SLC15A5: variants seen among roughly 807,000 people sequenced by gnomAD.
SLC15A5 encodes the protein solute carrier family 15 member 5.
Under a neutral mutation model 56.1 loss-of-function variants are expected in SLC15A5, and 58 were observed. That is an observed-to-expected ratio of 1.03 (90% CI 0.84 to 1.29). SLC15A5 has a LOEUF of 1.29. SLC15A5 is among the 50% of genes most tolerant of loss of function. The probability of loss-of-function intolerance (pLI) is 0.00; values close to 1 mark genes in which losing one functional copy is unlikely to be tolerated. For synonymous variants in SLC15A5, 264 were observed against 250.5 expected (o/e 1.05, Z -0.51); for missense variants, 681 against 672.1 (o/e 1.01, Z -0.15).
At chr12:16,230,757 C>CAAAA (rs59876940) in intron 5 of SLC15A5, among the ~76,000 whole-genome samples, 2 of 129,578 alleles carry the variant, frequency 1.5e-5, no homozygotes, top group South Asian at 2.5e-4. Context: ...ACTAAAAATA[C>CAAAA]AAAAAAAAAA....
chr12:16,205,600 C>T lies in SLC15A5; in HGVS notation c.1484-11147G>A, dbSNP rs1255188013. On this transcript the variant is annotated intron_variant, in intron 7 of 8. Transcript: ENST00000344941. ...AGGTGCATATATATATACATATACA[C>T]ACACACACACATATATATACACATA... is the stretch of plus-strand genomic sequence containing the variant. 5.9e-4 allele frequency among the ~76,000 whole-genome samples: 53 copies of T among 90,322 alleles called. 2 individuals carry two copies. The highest frequency in any genetic ancestry group is 1.1e-3 in the South Asian group (2 of 1,858). 59.3% of individuals were successfully genotyped at this position (90,322 alleles called of 152,430 possible). A position where few individuals can be genotyped will look rare whatever the true frequency, so the allele number is the denominator to read the frequency against.
At chr12:16,191,888 G>A (rs1191452467) in intron 8 of SLC15A5, among the ~76,000 whole-genome samples, 2 of 152,030 alleles carry the variant, frequency 1.3e-5, no homozygotes, top group African/African-American at 2.4e-5. Context: ...CTTTTCCTGT[G>A]GGGTGCTCGT....
At chr12:16,203,153 A>ATG (rs1404446655) in intron 7 of SLC15A5, among the ~76,000 whole-genome samples, 1 of 152,174 alleles carries the variant, frequency 6.6e-6, no homozygotes, top group Non-Finnish European at 1.5e-5. Context: ...AATGATAATT[A>ATG]TGTGAGGTGG....
At chr12:16,223,784 C>T (rs1013606351) in intron 6 of SLC15A5, among the ~76,000 whole-genome samples, 2 of 151,730 alleles carry the variant, frequency 1.3e-5, no homozygotes, top group South Asian at 2.1e-4. Flanking sequence ...GGCACAATCT[C>T]GGCTCACTGC....
chr12:16,276,578 C>G (rs1391323780), intron 1 of SLC15A5, among the ~76,000 whole-genome samples: 2 of 151,972 alleles, frequency 1.3e-5, no homozygotes, highest in African/African-American at 4.8e-5. Context: ...TGCAGAATAG[C>G]ATTTCTCAAA....
rs1235806922 is a variant in SLC15A5, at chr12:16,196,769, T to G, written c.1484-2316A>C. 6.6e-6 allele frequency among the ~76,000 whole-genome samples: 1 copy of G among 152,104 alleles called. No individual in the cohort carries two copies. Among genetic ancestry groups the G allele is most frequent in the Non-Finnish European group, 1.5e-5 (1 of 68,022 alleles). ...GTCCATAATAAGTAATTGAAAAGAC[T>G]ATATTATAAGAGAGTCAGATGAGGA... On this transcript the variant is annotated intron_variant, in intron 7 of 8. Coordinates refer to ENST00000344941, the MANE Select transcript of SLC15A5 (RefSeq NM_001170798.1). This position sits in a 1 kb window ranked among gnomAD's most constrained non-coding sequence, Gnocchi z 4.0.
At chr12:16,216,855 A>C in intron 7 of SLC15A5, 38 bp downstream of exon 7, 1 of 1,507,706 alleles carries the variant, frequency 6.6e-7, no homozygotes, top group Non-Finnish European at 8.8e-7. Context: ...CTAGTCATCA[A>C]CTCAATGTAT....
chr12:16,242,910 G>C (rs1242561418), intron 4 of SLC15A5, among the ~76,000 whole-genome samples: 1 of 152,036 alleles, frequency 6.6e-6, no homozygotes, highest in Non-Finnish European at 1.5e-5. Flanking sequence ...TACATATATG[G>C]GTAATATTTC....
chr12:16,254,439 C>T (rs186349060), intron 3 of SLC15A5, among the ~76,000 whole-genome samples: 29 of 152,206 alleles, frequency 1.9e-4, no homozygotes, highest in Non-Finnish European at 3.5e-4. Flanking sequence ...CACTACTGAA[C>T]TGTACACTTA....
intron 1 of SLC15A5, among the ~76,000 whole-genome samples, chr12:16,276,069 C>G (rs751520117): frequency 6.6e-6 from 1 of 151,930 alleles, no homozygotes; most frequent in Non-Finnish European, 1.5e-5. Flanking sequence ...CAGGAACAGA[C>G]GACTTTCTTC....
At chr12:16,270,160 T>C (rs1349866438) in intron 2 of SLC15A5, among the ~76,000 whole-genome samples, 1 of 152,182 alleles carries the variant, frequency 6.6e-6, no homozygotes, top group African/African-American at 2.4e-5. Flanking sequence ...TCACCTACAT[T>C]TGGCAGCTTT....
intron 3 of SLC15A5, among the ~76,000 whole-genome samples, chr12:16,246,482 C>T (rs1327377880): frequency 6.6e-6 from 1 of 152,172 alleles, no homozygotes; most frequent in Admixed American, 6.6e-5. Flanking sequence ...AACTTCCTGA[C>T]ATTTCCTTAC....
chr12:16,241,858 T>C (rs1260762977), intron 4 of SLC15A5, among the ~76,000 whole-genome samples: 1 of 152,196 alleles, frequency 6.6e-6, no homozygotes, highest in East Asian at 1.9e-4. Context: ...AAATGTACTA[T>C]TAATCTTTAG....
chr12:16,230,626 A>C (rs1351723193), intron 5 of SLC15A5, among the ~76,000 whole-genome samples: 1 of 152,140 alleles, frequency 6.6e-6, no homozygotes, highest in African/African-American at 2.4e-5. Context: ...TTCTTAAAAA[A>C]GACAAGGCCG....
At chr12:16,251,876 C>T (rs948971055) in intron 3 of SLC15A5, among the ~76,000 whole-genome samples, 1 of 151,794 alleles carries the variant, frequency 6.6e-6, no homozygotes, top group Non-Finnish European at 1.5e-5. Flanking sequence ...AAGTACAGAT[C>T]AATAGTTCTG....
chr12:16,196,758 A>C lies in SLC15A5; in HGVS notation c.1484-2305T>G, dbSNP rs1184779312. Among the ~76,000 whole-genome samples, 1 of 152,158 alleles carries C rather than the reference A, an allele frequency of 6.6e-6. No individual in the cohort carries two copies. On this transcript the variant is annotated intron_variant, in intron 7 of 8. Coordinates refer to ENST00000344941, the MANE Select transcript of SLC15A5 (RefSeq NM_001170798.1). The surrounding 1 kb of genome is among the most constrained non-coding windows in gnomAD (Gnocchi z 4.0). ...CATGAATTCTGGTCCATAATAAGTA[A>C]TTGAAAAGACTATATTATAAGAGAG...
rs1001231855 is a variant in SLC15A5 at position 16,189,364 on chromosome 12, T to C, written c.*304A>G. The C allele has an allele frequency of 5.3e-6, 1 of 189,292 alleles. No homozygotes were observed. The highest frequency in any genetic ancestry group is 2.3e-5 in the African/African-American group (1 of 43,146). 11.7% of individuals were successfully genotyped at this position (189,292 alleles called of 1,614,324 possible). On this transcript the variant is annotated 3_prime_UTR_variant, in exon 9 of 9. Transcript: ENST00000344941. ...AAAAAGGTCATACGCTTTCAATGGC[T>C]GAACCATTGTAGAAAGCTGTAAGGT...
chr12:16,232,553 C>T (rs1864308891), intron 5 of SLC15A5, among the ~76,000 whole-genome samples: 1 of 152,022 alleles, frequency 6.6e-6, no homozygotes, highest in Non-Finnish European at 1.5e-5. Flanking sequence ...TTTAGAACAC[C>T]ATGGAAAGAG....
intron 5 of SLC15A5, among the ~76,000 whole-genome samples, chr12:16,233,042 C>T (rs1225110833): frequency 6.6e-6 from 1 of 152,074 alleles, no homozygotes; most frequent in Non-Finnish European, 1.5e-5. Flanking sequence ...CTAGACCTCT[C>T]AACAGTAATT....
Sources: allele counts gnomAD v4.1 joint callset (sites outside exome capture counted in the v4.1 genomes callset), GRCh38; gene constraint gnomAD v4.1.1; non-coding constraint Gnocchi (gnomAD v3.1); transcripts MANE v1.5; gene names NCBI Gene and HGNC (gene_info 2026-07-23, HGNC 2026-07-21).